RNF180: variants seen among roughly 807,000 people sequenced by gnomAD.
The protein encoded by RNF180 is E3 ubiquitin-protein ligase RNF180.
A neutral mutation model predicts 59.2 loss-of-function variants in RNF180; 38 were observed. The ratio of observed to expected loss-of-function variants is 0.64; its 90% CI spans 0.50 to 0.84. The LOEUF (loss-of-function observed/expected upper bound fraction) is 0.84, where lower values mean the gene tolerates loss of function less well. Ranked by LOEUF, RNF180 falls within the 40% of genes least tolerant of loss-of-function variation. The pLI is 0.00. For synonymous variants in RNF180, 262 were observed against 240.3 expected, an observed-to-expected ratio of 1.09 and a Z score of -0.84; for missense variants, 705 against 700.9, an observed-to-expected ratio of 1.01 and a Z score of -0.07.
chr5:64,218,956 ATTATT>A (rs1003177793), intron 5 of RNF180, among the ~76,000 whole-genome samples: 7 of 152,138 alleles, frequency 4.6e-5, no homozygotes, highest in Admixed American at 2.6e-4. Flanking sequence ...ATTTATTCCT[ATTATT>A]TTTAATGCTG....
At chr5:64,185,953 T>C (rs1044157382) in intron 1 of RNF180, among the ~76,000 whole-genome samples, 3 of 152,200 alleles carry the variant, frequency 2.0e-5, no homozygotes, top group Non-Finnish European at 4.4e-5. Context: ...AAACTCTCTT[T>C]TGGGGAAGAT....
chr5:64,208,452 C>G (rs1426165923), intron 2 of RNF180, among the ~76,000 whole-genome samples: 1 of 151,942 alleles, frequency 6.6e-6, no homozygotes, highest in Non-Finnish European at 1.5e-5. Context: ...CCAGTTTCAT[C>G]ACTCATCTTA....
rs535574155 is a variant in RNF180, at chr5:64,320,029, TG to T, written c.1228-5154del. ...GTGAACCAACAGCATCAGCATTACC[TG>T]GGAACCTATTAAAAATGCAAATTCT... On this transcript the variant is annotated intron_variant, in intron 5 of 7. Coordinates refer to ENST00000389100, the MANE Select transcript of RNF180 (RefSeq NM_001113561.2). 9.3e-4 allele frequency among the ~76,000 whole-genome samples: 142 copies of T among 152,190 alleles called. 1 individual carries two copies. Among genetic ancestry groups the T allele is most frequent in the Non-Finnish European group, 1.8e-3 (125 of 68,030 alleles).
intron 7 of RNF180, among the ~76,000 whole-genome samples, chr5:64,358,945 C>G (rs1449322777): frequency 6.6e-6 from 1 of 151,666 alleles, no homozygotes. Flanking sequence ...TCACCCATGT[C>G]CCTACAAAGG....
intron 3 of RNF180, 87 bp downstream of exon 3, chr5:64,212,247 C>A: frequency 1.3e-6 from 1 of 757,312 alleles, no homozygotes; most frequent in Middle Eastern, 2.6e-4. Flanking sequence ...TTCTTAGATG[C>A]ATTCCTTGGC....
chr5:64,349,592 A>ACT (rs1745705943), intron 7 of RNF180, among the ~76,000 whole-genome samples: 2 of 148,830 alleles, frequency 1.3e-5, no homozygotes, highest in African/African-American at 2.5e-5. Flanking sequence ...CTTGCCCCCC[A>ACT]CCACACCATG....
At chr5:64,264,949 G>A (rs1744572375) in intron 5 of RNF180, among the ~76,000 whole-genome samples, 1 of 152,070 alleles carries the variant, frequency 6.6e-6, no homozygotes, top group Non-Finnish European at 1.5e-5. Context: ...ATCTCATTGT[G>A]GTTTTGATTT....
chr5:64,196,539 A>G (rs1484547619), intron 1 of RNF180, among the ~76,000 whole-genome samples: 1 of 152,086 alleles, frequency 6.6e-6, no homozygotes, highest in Non-Finnish European at 1.5e-5. Context: ...ATTTCGGTAT[A>G]TTGAATAGTT....
chr5:64,187,822 G>A (rs1029704624), intron 1 of RNF180, among the ~76,000 whole-genome samples: 42 of 152,172 alleles, frequency 2.8e-4, no homozygotes, highest in African/African-American at 9.9e-4. Context: ...ACTGTGAGAA[G>A]CTGTTTTAAT....
chr5:64,199,269 G>A (rs564209692), intron 1 of RNF180, among the ~76,000 whole-genome samples: 20 of 152,328 alleles, frequency 1.3e-4, no homozygotes, highest in Non-Finnish European at 2.6e-4. Context: ...TGCCCTCTGA[G>A]CCAGAGTTCT....
intron 5 of RNF180, among the ~76,000 whole-genome samples, chr5:64,233,158 G>A (rs1464756143): frequency 6.6e-6 from 1 of 152,174 alleles, no homozygotes; most frequent in Non-Finnish European, 1.5e-5. Context: ...AAAATGGAAT[G>A]TAAAATATAT....
At position 64,289,168 on chromosome 5, in the gene RNF180, G is replaced by T. The variant is rs1742442648; in HGVS notation, c.1228-36018G>T. ...GATAATCATGTGGTTTTTGTCTTTAGTTCTGGTTATGTGAGAAATCACATT... is the reference window on the plus strand; with the variant it reads ...GATAATCATGTGGTTTTTGTCTTTATTTCTGGTTATGTGAGAAATCACATT... On this transcript the variant is annotated intron_variant, in intron 5 of 7. Coordinates refer to ENST00000389100, the MANE Select transcript of RNF180 (RefSeq NM_001113561.2). Among the ~76,000 whole-genome samples, 4 of 152,254 alleles carry T rather than the reference G, an allele frequency of 2.6e-5. No individual in the cohort carries two copies. In the South Asian group the frequency reaches 8.3e-4, roughly 32 times the overall value.
intron 5 of RNF180, among the ~76,000 whole-genome samples, chr5:64,296,409 T>C (rs1263440802): frequency 1.3e-5 from 2 of 152,192 alleles, no homozygotes; most frequent in Non-Finnish European, 1.5e-5. Flanking sequence ...GGTAGTTAAA[T>C]GTTGCAAATT....
rs200517606 is a variant in RNF180 at position 64,172,975 on chromosome 5, TG to T, written c.-1+7025del. On this transcript the variant is annotated intron_variant, in intron 1 of 7. Coordinates refer to ENST00000389100, the MANE Select transcript of RNF180 (RefSeq NM_001113561.2). Reference sequence around the variant, plus strand: ...AGGGGACCTGGGATAAAAGAGTATTTGGGTTTGGAACCACTGGGAAATGTTA... The same window carrying T: ...AGGGGACCTGGGATAAAAGAGTATTTGGTTTGGAACCACTGGGAAATGTTA... Among the ~76,000 whole-genome samples, 754 of 152,340 alleles carry T rather than the reference TG, an allele frequency of 4.9e-3. 10 individuals are homozygous for T. The highest frequency in any genetic ancestry group is 0.017 in the African/African-American group (706 of 41,574).
chr5:64,202,392 C>A (rs2112064371), intron 2 of RNF180, among the ~76,000 whole-genome samples: 1 of 152,198 alleles, frequency 6.6e-6, no homozygotes, highest in African/African-American at 2.4e-5. Context: ...CAATTTTTTT[C>A]TGCTGAAGGA....
At chr5:64,299,569 G>C (rs891349426) in intron 5 of RNF180, among the ~76,000 whole-genome samples, 1 of 151,900 alleles carries the variant, frequency 6.6e-6, no homozygotes, top group Non-Finnish European at 1.5e-5. Context: ...TCTAGGCCTA[G>C]CCTCTGAGAC....
chr5:64,348,687 C>T (rs1346046460), intron 7 of RNF180, among the ~76,000 whole-genome samples: 2 of 151,934 alleles, frequency 1.3e-5, no homozygotes, highest in African/African-American at 4.8e-5. Flanking sequence ...TTAATGGAGT[C>T]TGATGTTTCT....
At chr5:64,263,942 C>G (rs2112327438) in intron 5 of RNF180, among the ~76,000 whole-genome samples, 1 of 152,190 alleles carries the variant, frequency 6.6e-6, no homozygotes. Flanking sequence ...TAAGATTCAC[C>G]TATATTGTTA....
chr5:64,279,814 C>G (rs1305500572), intron 5 of RNF180, among the ~76,000 whole-genome samples: 2 of 152,026 alleles, frequency 1.3e-5, no homozygotes, highest in Non-Finnish European at 2.9e-5. Context: ...CATTTTTGGC[C>G]AGACGTGGTG....
Sources: gnomAD v4.1 joint callset for allele counts (sites outside exome capture counted in the v4.1 genomes callset) on GRCh38, gnomAD v4.1.1 for gene constraint, MANE v1.5 for transcripts, NCBI Gene and HGNC (gene_info 2026-07-23, HGNC 2026-07-21) for gene names.